ATP8A2: variants seen among roughly 807,000 people sequenced by gnomAD.
ATP8A2 encodes the protein ATPase phospholipid transporting 8A2.
A neutral mutation model predicts 165.6 loss-of-function variants in ATP8A2; 100 were observed. The ratio of observed to expected loss-of-function variants is 0.60; its 90% CI spans 0.51 to 0.71. The LOEUF is 0.71. ATP8A2 is among the 30% of genes least tolerant of loss of function. The pLI is 0.00. For missense variants in ATP8A2, 1,227 were observed against 1,479.5 expected (o/e 0.83, Z 2.80); for synonymous variants, 543 against 548.8 (o/e 0.99, Z 0.15).
At chr13:25,996,709 A>C (rs1379864943) in intron 35 of ATP8A2, among the ~76,000 whole-genome samples, 1 of 151,958 alleles carries the variant, frequency 6.6e-6, no homozygotes, top group Non-Finnish European at 1.5e-5. Context: ...TTTGAGACGG[A>C]GTCTCACTCT....
At chr13:26,009,529 A>G (rs190531066) in intron 35 of ATP8A2, among the ~76,000 whole-genome samples, 1 of 152,280 alleles carries the variant, frequency 6.6e-6, no homozygotes, top group African/African-American at 2.4e-5. Context: ...GGGTGTGCAC[A>G]TTGGCTATAT....
Position 25,570,834 on chromosome 13 carries a change from A to C in ATP8A2, c.1541A>C (p.Lys514Thr), listed in dbSNP as rs1566282040. The change falls in exon 17 of 37, where the codon AAG becomes ACG. Residue 514 changes from lysine to threonine, a missense_variant. This residue lies in a region of ATP8A2 where 592 missense variants were observed against 785.6 expected (regional missense o/e 0.75). Coordinates refer to ENST00000381655, the MANE Select transcript of ATP8A2 (RefSeq NM_016529.6). Reference sequence around the variant, plus strand: ...GTGTGCCACACGGTTGTTCCTGAGAAGGATGGAGATAACATCATCTACCAG... The same window carrying C: ...GTGTGCCACACGGTTGTTCCTGAGACGGATGGAGATAACATCATCTACCAG... ...LAVCHTVVPEKDGDNIIYQAS... is the reference protein window; with the variant it reads ...LAVCHTVVPETDGDNIIYQAS... 6.2e-7 allele frequency: 1 copy of C among 1,613,768 alleles called. No homozygotes were observed. The highest frequency in any genetic ancestry group is 8.5e-7 in the Non-Finnish European group (1 of 1,179,728).
At chr13:25,740,876 TAGCGTGTTATC>T (rs2043896363) in intron 25 of ATP8A2, among the ~76,000 whole-genome samples, 1 of 152,140 alleles carries the variant, frequency 6.6e-6, no homozygotes, top group Admixed American at 6.5e-5. Flanking sequence ...TAGAGACCTT[TAGCGTGTTATC>T]TCAAAAGGCT....
In ATP8A2 at chr13:25,770,003, C is replaced by T. The variant is rs562535890; in HGVS notation, c.2568+774C>T. On this transcript the variant is annotated intron_variant, in intron 26 of 36. Coordinates refer to ENST00000381655, the MANE Select transcript of ATP8A2 (RefSeq NM_016529.6). ...AACCCGTAGGGTGCATATCTGAGAC[C>T]ACCTTTGCAAAATTATGACTGAGAC... Among the ~76,000 whole-genome samples, 121 of 152,260 alleles carry T rather than the reference C, an allele frequency of 7.9e-4. 1 individual carries two copies. Among genetic ancestry groups the T allele is most frequent in the Admixed American group, 1.8e-3 (27 of 15,294 alleles).
At chr13:25,686,936 G>C (rs1187940038) in intron 24 of ATP8A2, among the ~76,000 whole-genome samples, 3 of 152,170 alleles carry the variant, frequency 2.0e-5, no homozygotes, top group Non-Finnish European at 4.4e-5. Context: ...AGCCCATTGA[G>C]AGCTGGGCCT....
At chr13:25,558,939 T>C (rs373176821) in intron 13 of ATP8A2, 34 bp from the exon 14 acceptor site, 19 of 1,412,410 alleles carry the variant, frequency 1.3e-5, no homozygotes, top group Non-Finnish European at 1.6e-5. Flanking sequence ...TCTCAATACT[T>C]CCTGATGTAT....
intron 1 of ATP8A2, among the ~76,000 whole-genome samples, chr13:25,399,565 ATTTT>A (rs61674518): frequency 0.073 from 5,579 of 76,916 alleles, 557 homozygotes; most frequent in Admixed American, 0.14. Context: ...CGCCCGGCTA[ATTTT>A]TTTTTTGTAT....
At chr13:25,528,137 G>A (rs984714502) in intron 2 of ATP8A2, among the ~76,000 whole-genome samples, 15 of 152,226 alleles carry the variant, frequency 9.9e-5, no homozygotes, top group African/African-American at 3.1e-4. Context: ...TGAACTTAAT[G>A]TCAGCTGTTG....
chr13:25,776,056 C>T (rs2044734441), intron 27 of ATP8A2, among the ~76,000 whole-genome samples: 1 of 152,238 alleles, frequency 6.6e-6, no homozygotes, highest in South Asian at 2.1e-4. Flanking sequence ...TGGCCCAAGA[C>T]AACCGGGCCA....
chr13:25,943,798 C>A (rs937069385), intron 33 of ATP8A2, among the ~76,000 whole-genome samples: 1 of 151,702 alleles, frequency 6.6e-6, no homozygotes, highest in African/African-American at 2.4e-5. Flanking sequence ...TGTGTAGACT[C>A]CCAGCCTTCT....
chr13:25,516,709 T>G (rs1375184656), intron 2 of ATP8A2, among the ~76,000 whole-genome samples: 1 of 151,840 alleles, frequency 6.6e-6, no homozygotes, highest in Non-Finnish European at 1.5e-5. Context: ...ATTAAATAAA[T>G]CTCATAACTC....
intron 35 of ATP8A2, among the ~76,000 whole-genome samples, chr13:26,010,824 C>T (rs1253677538): frequency 2.0e-5 from 3 of 152,178 alleles, no homozygotes; most frequent in Non-Finnish European, 2.9e-5. Context: ...AGCCATGAGA[C>T]GTTTTGCCAA....
At chr13:25,467,913 G>C (rs2035715856) in intron 1 of ATP8A2, among the ~76,000 whole-genome samples, 1 of 152,168 alleles carries the variant, frequency 6.6e-6, no homozygotes. Context: ...AGCGTGGCAG[G>C]TATTAGAGGG....
intron 23 of ATP8A2, among the ~76,000 whole-genome samples, chr13:25,585,723 C>T (rs1232832989): frequency 6.6e-6 from 1 of 152,122 alleles, no homozygotes; most frequent in African/African-American, 2.4e-5. Context: ...ATTGCCTGTA[C>T]ATTTTCTTGT....
intron 2 of ATP8A2, among the ~76,000 whole-genome samples, chr13:25,519,376 T>C (rs1207984426): frequency 6.6e-6 from 1 of 151,040 alleles, no homozygotes; most frequent in Non-Finnish European, 1.5e-5. Flanking sequence ...TGTGTTCTAT[T>C]TTTTTTTTAA....
intron 28 of ATP8A2, among the ~76,000 whole-genome samples, 200 bp downstream of exon 28, chr13:25,828,392 C>G (rs1951373998): frequency 6.6e-6 from 1 of 152,214 alleles, no homozygotes; most frequent in Non-Finnish European, 1.5e-5. Flanking sequence ...TCAATCATAG[C>G]AGATCATTCC....
At chr13:25,855,903 A>T (rs1416257032) in intron 30 of ATP8A2, among the ~76,000 whole-genome samples, 3 of 152,122 alleles carry the variant, frequency 2.0e-5, no homozygotes, top group African/African-American at 7.2e-5. Flanking sequence ...ATGGCTAATG[A>T]TGTTTTGCTG....
intron 27 of ATP8A2, among the ~76,000 whole-genome samples, chr13:25,776,131 C>T (rs1333585407): frequency 6.6e-6 from 1 of 152,220 alleles, no homozygotes; most frequent in African/African-American, 2.4e-5. Flanking sequence ...TGCCCGGAGC[C>T]CAACTGGAAA....
At chr13:25,515,186 C>T (rs1017029232) in intron 2 of ATP8A2, among the ~76,000 whole-genome samples, 1 of 152,182 alleles carries the variant, frequency 6.6e-6, no homozygotes, top group Non-Finnish European at 1.5e-5. Context: ...AATGGTTATT[C>T]CTGAGTTTCC....
Sources: allele counts gnomAD v4.1 joint callset (sites outside exome capture counted in the v4.1 genomes callset), GRCh38; gene constraint gnomAD v4.1.1; regional missense constraint gnomAD v4.1.1; transcripts MANE v1.5; gene names NCBI Gene and HGNC (gene_info 2026-07-23, HGNC 2026-07-21).